The following ADGRV1 variants were observed in gnomAD, a reference collection of about 807,000 sequenced individuals.
ADGRV1 encodes the protein adhesion G protein-coupled receptor V1, also known as G-protein coupled receptor 98.
ADGRV1 carries 359 observed loss-of-function variants against 596.2 expected under a neutral mutation model. The ratio of observed to expected loss-of-function variants is 0.60; its 90% CI spans 0.55 to 0.66. The LOEUF is 0.66. Ranked by LOEUF, ADGRV1 falls within the 30% of genes least tolerant of loss-of-function variation. The probability of loss-of-function intolerance (pLI) is 0.00; values close to 1 mark genes in which losing one functional copy is unlikely to be tolerated. For synonymous variants in ADGRV1, 2,681 were observed against 2,679.2 expected (o/e 1.00, Z -0.02); for missense variants, 7,274 against 7,575.6 (o/e 0.96, Z 1.48).
At chr5:91,151,179 A>T (rs755077316) in intron 88 of ADGRV1, among the ~76,000 whole-genome samples, 5 of 152,216 alleles carry the variant, frequency 3.3e-5, no homozygotes, top group Non-Finnish European at 5.9e-5. Flanking sequence ...CAATAGACTG[A>T]TAACTTACCT....
intron 21 of ADGRV1, among the ~76,000 whole-genome samples, chr5:90,670,532 G>T (rs1482023051): frequency 2.0e-5 from 3 of 152,050 alleles, no homozygotes; most frequent in Non-Finnish European, 2.9e-5. Context: ...AGTATGAGGG[G>T]GTGTTTCCCA....
At chr5:90,964,727 C>CA (rs60760571) in intron 83 of ADGRV1, among the ~76,000 whole-genome samples, 18,000 of 121,258 alleles carry the variant, frequency 0.15, 1,172 homozygotes, top group Middle Eastern at 0.22. Flanking sequence ...GACTAATAGC[C>CA]AAAAAAAAAA....
chr5:91,161,932 G>T (rs1260530236), intron 89 of ADGRV1, among the ~76,000 whole-genome samples: 1 of 152,194 alleles, frequency 6.6e-6, no homozygotes, highest in East Asian at 1.9e-4. Context: ...GGCATCAGGA[G>T]ACCTGATCAG....
chr5:90,921,937 C>T (rs1286237607), intron 83 of ADGRV1, among the ~76,000 whole-genome samples: 1 of 151,812 alleles, frequency 6.6e-6, no homozygotes, highest in East Asian at 1.9e-4. Context: ...CAGTGCAAGT[C>T]CGGGGTCAAA....
At chr5:91,162,744 G>A (rs143379608) in intron 89 of ADGRV1, among the ~76,000 whole-genome samples, 486 of 152,318 alleles carry the variant, frequency 3.2e-3, no homozygotes, top group South Asian at 0.029. Flanking sequence ...AAGGTCACTA[G>A]TAGGCTCTGG....
Position 90,753,724 on chromosome 5 carries a change from C to G in ADGRV1, c.11272C>G (p.Gln3758Glu). ...CTCATACAAAGGTGCTACTATTGATCAGGACAGAAGCAAGTCTGTTATAAC... is the reference window on the plus strand; with the variant it reads ...CTCATACAAAGGTGCTACTATTGATGAGGACAGAAGCAAGTCTGTTATAAC... ...EDSYKGATID[Q>E]DRSKSVITTL... The change falls in exon 54 of 90, where the codon CAG becomes GAG. Residue 3758 changes from glutamine (Q) to glutamate (E), a missense_variant. Gln to Glu is a conservative substitution (Grantham distance 29). This residue lies in a region of ADGRV1 where 3,643 missense variants were observed against 3,809.2 expected (regional missense o/e 0.96). Coordinates refer to ENST00000405460, the MANE Select transcript of ADGRV1 (RefSeq NM_032119.4). 1 of 1,613,576 alleles carries G rather than the reference C, an allele frequency of 6.2e-7. No individual in the cohort carries two copies. The highest frequency in any genetic ancestry group is 8.5e-7 in the Non-Finnish European group (1 of 1,179,660).
intron 83 of ADGRV1, among the ~76,000 whole-genome samples, chr5:90,955,139 G>T (rs1219452916): frequency 1.3e-5 from 2 of 152,122 alleles, no homozygotes; most frequent in African/African-American, 2.4e-5. Flanking sequence ...CCAGACACCA[G>T]ATCTTCTGGC....
intron 87 of ADGRV1, among the ~76,000 whole-genome samples, chr5:91,108,086 G>A (rs144759054): frequency 1.6e-4 from 25 of 152,262 alleles, no homozygotes; most frequent in East Asian, 7.7e-4. Flanking sequence ...GTTACCTGGC[G>A]CACTGGCACA....
At chr5:91,085,049 G>T (rs556184750) in intron 86 of ADGRV1, among the ~76,000 whole-genome samples, 2 of 152,084 alleles carry the variant, frequency 1.3e-5, no homozygotes, top group South Asian at 4.2e-4. Context: ...TGGACACAGG[G>T]TGGGGAACAT....
At chr5:90,935,796 G>A (rs1489669352) in intron 83 of ADGRV1, among the ~76,000 whole-genome samples, 1 of 152,146 alleles carries the variant, frequency 6.6e-6, no homozygotes, top group Admixed American at 6.5e-5. Context: ...CTTGATTGTG[G>A]TAACCTGGAT....
intron 83 of ADGRV1, 128 bp from the exon 84 acceptor site, chr5:90,965,287 G>C (rs1778351995): frequency 4.7e-6 from 3 of 642,404 alleles, no homozygotes; most frequent in Non-Finnish European, 8.4e-6. Flanking sequence ...ATCAGTTTGG[G>C]CAAGAAGTCA....
At chr5:90,733,821 AT>A (rs1278114933) in intron 50 of ADGRV1, among the ~76,000 whole-genome samples, 1 of 152,148 alleles carries the variant, frequency 6.6e-6, no homozygotes, top group Non-Finnish European at 1.5e-5. Flanking sequence ...TTATTTTGAA[AT>A]ATACTATACA....
At position 90,757,228 on chromosome 5, in the gene ADGRV1, A is replaced by G; in HGVS notation, c.11940+67A>G. On this transcript the variant is annotated intron_variant, in intron 57 of 89. Transcript: ENST00000405460. ...TCAGACATTTTGTAGGCATCCATCA[A>G]ATGAATGTACATTGGTGATTGCTAA... The G allele has an allele frequency of 3.7e-6, 5 of 1,335,184 alleles. No homozygotes were observed. In the South Asian group the frequency reaches 6.1e-5, roughly 16 times the overall value. 82.7% of individuals were successfully genotyped at this position (1,335,184 alleles called of 1,614,324 possible).
intron 67 of ADGRV1, 23 bp downstream of exon 67, chr5:90,784,080 T>A (rs1346583462): frequency 6.6e-7 from 1 of 1,504,230 alleles, no homozygotes; most frequent in South Asian, 1.2e-5. Context: ...TCCCCATGAC[T>A]TTAAATATAA....
rs1294782564 is a variant in ADGRV1 at position 90,828,830 on chromosome 5, A to T, written c.16369-114A>T. Reference sequence around the variant, plus strand: ...ATACAGAATATATCTCTAGATTTATATATTTATTTCTCTAAAAATGTATAT... The same window carrying T: ...ATACAGAATATATCTCTAGATTTATTTATTTATTTCTCTAAAAATGTATAT... On this transcript the variant is annotated intron_variant, in intron 76 of 89. Coordinates refer to ENST00000405460, the MANE Select transcript of ADGRV1 (RefSeq NM_032119.4). 4 of 550,662 alleles carry T rather than the reference A, an allele frequency of 7.3e-6. 1 individual carries two copies. In the Admixed American group the frequency reaches 1.5e-4, roughly 21 times the overall value. The allele number at this position is 550,662 out of a possible 1,614,324, so 34.1% of individuals were successfully genotyped here.
At chr5:90,832,664 C>T (rs954543160) in intron 77 of ADGRV1, among the ~76,000 whole-genome samples, 3 of 152,140 alleles carry the variant, frequency 2.0e-5, no homozygotes, top group South Asian at 2.1e-4. Flanking sequence ...AAAAAATCTG[C>T]CAGTCCAATG....
At chr5:90,708,661 T>C (rs748361869) in intron 38 of ADGRV1, among the ~76,000 whole-genome samples, 155 bp from the exon 39 acceptor site, 10 of 152,124 alleles carry the variant, frequency 6.6e-5, no homozygotes, top group Non-Finnish European at 1.2e-4. Context: ...TTAATACGTT[T>C]ATGTTTATTT....
At chr5:90,830,976 A>G (rs555059074) in intron 77 of ADGRV1, among the ~76,000 whole-genome samples, 1 of 152,268 alleles carries the variant, frequency 6.6e-6, no homozygotes, top group South Asian at 2.1e-4. Context: ...TTGACTTGGA[A>G]TAATGGCTTT....
At chr5:91,060,402 T>A (rs910648291) in intron 85 of ADGRV1, among the ~76,000 whole-genome samples, 6 of 145,384 alleles carry the variant, frequency 4.1e-5, no homozygotes, top group Non-Finnish European at 4.5e-5. Flanking sequence ...ATATATATTT[T>A]TTTTTTTAAT....
Sources: allele counts gnomAD v4.1 joint callset (sites outside exome capture counted in the v4.1 genomes callset), GRCh38; gene constraint gnomAD v4.1.1; regional missense constraint gnomAD v4.1.1; transcripts MANE v1.5; gene names NCBI Gene and HGNC (gene_info 2026-07-23, HGNC 2026-07-21).